Variants in SMG1 observed in about 807,000 individuals in gnomAD.
The protein encoded by SMG1 is serine/threonine-protein kinase SMG1.
In SMG1, 22 loss-of-function variants were observed where a neutral mutation model predicts 419.9. The ratio of observed to expected loss-of-function variants is 0.05; its 90% CI spans 0.04 to 0.07. The LOEUF is 0.07. Ranked by LOEUF, SMG1 falls within the 10% of genes least tolerant of loss-of-function variation. The pLI, the probability that SMG1 is intolerant of heterozygous loss-of-function variation, is 1.00. For missense variants in SMG1, 3,185 were observed against 4,342.0 expected, an observed-to-expected ratio of 0.73 and a Z score of 7.49; for synonymous variants, 1,538 against 1,553.5, an observed-to-expected ratio of 0.99 and a Z score of 0.23.
intron 56 of SMG1, among the ~76,000 whole-genome samples, chr16:18,819,116 C>T (rs948444421): frequency 1.3e-5 from 2 of 150,714 alleles, no homozygotes; most frequent in African/African-American, 4.9e-5. Flanking sequence ...GGCGCCTGGC[C>T]AACAGGGCAC....
intron 35 of SMG1, among the ~76,000 whole-genome samples, 186 bp from the exon 36 acceptor site, chr16:18,849,564 A>G (rs981902392): frequency 1.3e-5 from 2 of 152,184 alleles, no homozygotes; most frequent in African/African-American, 2.4e-5. Context: ...AAGTCTGGTT[A>G]AGGTTGGTTT....
At chr16:18,837,143 T>G (rs1443834709) in intron 46 of SMG1, 110 bp downstream of exon 46, 3 of 1,067,992 alleles carry the variant, frequency 2.8e-6, no homozygotes, top group Non-Finnish European at 4.0e-6. Flanking sequence ...AGACAGCTTT[T>G]ATCATTTATG....
At chr16:18,916,069 C>CAAAAAAAAAAAAAAAAAAAA (rs35871395) in intron 1 of SMG1, among the ~76,000 whole-genome samples, 1 of 34,800 alleles carries the variant, frequency 2.9e-5, no homozygotes, top group Non-Finnish European at 5.1e-5. Context: ...CACTTCGTCT[C>CAAAAAAAAAAAAAAAAAAAA]AAAAAAAAAA....
intron 45 of SMG1, 94 bp from the exon 46 acceptor site, chr16:18,837,537 C>G: frequency 9.1e-7 from 1 of 1,098,828 alleles, no homozygotes; most frequent in Non-Finnish European, 1.3e-6. Flanking sequence ...CTACTTAAAT[C>G]TCTACAAAAC....
chr16:18,921,937 A>T (rs2038215400), intron 1 of SMG1, among the ~76,000 whole-genome samples: 1 of 152,244 alleles, frequency 6.6e-6, no homozygotes, highest in African/African-American at 2.4e-5. Context: ...GTATAGAAAG[A>T]TCCTAAGTTT....
At chr16:18,884,798 A>G (rs1241297300) in intron 8 of SMG1, 7 of 296,084 alleles carry the variant, frequency 2.4e-5, no homozygotes, top group Non-Finnish European at 3.7e-5. Context: ...TGGATCTTCC[A>G]TTGTCCACTT....
Position 18,889,918 on chromosome 16 carries a change from A to G in SMG1, c.609-333T>C, listed in dbSNP as rs1382533573. Among the ~76,000 whole-genome samples the G allele has an allele frequency of 2.6e-5, 4 of 152,376 alleles. No homozygotes were observed. The East Asian group carries it at 7.7e-4, about 29-fold the overall frequency. ...CAAATAATTAGATAAAACACACTAT[A>G]CATAACTACATTCTACATAATATCC... is the stretch of plus-strand genomic sequence containing the variant. On this transcript the variant is annotated intron_variant, in intron 5 of 62. Transcript: ENST00000446231.
rs201380587 is a variant in SMG1 at position 18,871,503 on chromosome 16, T to C, written c.2184-21A>G. On this transcript the variant is annotated intron_variant, in intron 15 of 62. Transcript: ENST00000446231. ...GTTTCCTGAAACACAAAATATACAG[T>C]TGACTGTACATTAAAAAAAACAAAA... 438 of 1,353,152 alleles carry C rather than the reference T, an allele frequency of 3.2e-4. 2 individuals are homozygous for C. The highest frequency in any genetic ancestry group is 2.0e-4 in the Admixed American group (8 of 40,616). 83.8% of individuals were successfully genotyped at this position (1,353,152 alleles called of 1,614,324 possible).
At chr16:18,811,056 T>G (rs1384786611) in intron 62 of SMG1, among the ~76,000 whole-genome samples, 1 of 152,194 alleles carries the variant, frequency 6.6e-6, no homozygotes, top group Admixed American at 6.5e-5. Flanking sequence ...TTCAGACAAA[T>G]GTCCCGATAC....
chr16:18,921,039 G>C (rs543729224), intron 1 of SMG1, among the ~76,000 whole-genome samples: 1 of 151,516 alleles, frequency 6.6e-6, no homozygotes, highest in African/African-American at 2.4e-5. Context: ...TTGGGAGGCT[G>C]AGACAGGAGA....
Position 18,868,556 on chromosome 16 carries a change from C to T in SMG1, c.2997G>A (p.Glu999=), listed in dbSNP as rs1398632487. The change falls in exon 21 of 63, where the codon GAG becomes GAA. Residue 999 remains glutamate, a synonymous_variant. Transcript: ENST00000446231. ...NLEKLMYNAY[E]GCANALTSPP... is the part of the protein sequence containing the mutation. Reference sequence around the variant, plus strand: ...GTGAAGTTAATGCATTAGCACATCCCTCGTATGCATTATACATTAATTTCT... The same window carrying T: ...GTGAAGTTAATGCATTAGCACATCCTTCGTATGCATTATACATTAATTTCT... 13 of 1,595,830 alleles carry T rather than the reference C, an allele frequency of 8.1e-6. No homozygotes were observed. Among genetic ancestry groups the T allele is most frequent in the South Asian group, 1.1e-5 (1 of 90,934 alleles).
chr16:18,925,055 T>C (rs1250006539), intron 1 of SMG1: 1 of 152,144 alleles, frequency 6.6e-6, no homozygotes, highest in Non-Finnish European at 1.5e-5. Context: ...GTTCTAAGCA[T>C]TGGGTTAAAT....
At chr16:18,849,907 G>A in intron 35 of SMG1, 42 bp downstream of exon 35, 1 of 1,577,074 alleles carries the variant, frequency 6.3e-7, no homozygotes, top group Non-Finnish European at 8.6e-7. Context: ...ATATATCCTA[G>A]TGAGAAACTA....
At chr16:18,902,543 T>C (rs576981907) in intron 1 of SMG1, among the ~76,000 whole-genome samples, 4 of 151,976 alleles carry the variant, frequency 2.6e-5, no homozygotes, top group African/African-American at 7.2e-5. Flanking sequence ...CTAAAAAATA[T>C]AGAAAAACTA....
chr16:18,857,424 C>T (rs1256829224), intron 29 of SMG1: 3 of 152,078 alleles, frequency 2.0e-5, no homozygotes, highest in Non-Finnish European at 4.4e-5. Flanking sequence ...GTTCAGAACA[C>T]AAAAATAAGT....
rs2032982791 is a variant in SMG1 at position 18,829,172 on chromosome 16, G to T, written c.9603+114C>A. On this transcript the variant is annotated intron_variant, in intron 54 of 62. Transcript: ENST00000446231. ...TGCTATGGTGTGTTTGCATTGGGTT[G>T]CTGTGAGTTCAGGAAGTTTTAAAAA... is the stretch of plus-strand genomic sequence containing the variant. 4 of 802,718 alleles carry T rather than the reference G, an allele frequency of 5.0e-6. No homozygotes were observed. In the Admixed American group the frequency reaches 8.6e-5, roughly 17 times the overall value. The allele number at this position is 802,718 out of a possible 1,614,324, so 49.7% of individuals were successfully genotyped here.
chr16:18,862,550 T>C (rs1352717033), intron 25 of SMG1, among the ~76,000 whole-genome samples: 12 of 152,218 alleles, frequency 7.9e-5, no homozygotes, highest in African/African-American at 2.2e-4. Context: ...TCTTAAAACA[T>C]GGCTTGTTCT....
chr16:18,812,202 A>G, intron 60 of SMG1, 75 bp from the exon 61 acceptor site: 1 of 1,442,552 alleles, frequency 6.9e-7, no homozygotes, highest in Non-Finnish European at 9.5e-7. Context: ...CAAGCACGGG[A>G]TAGGTGGTAG....
chr16:18,835,894 G>T, intron 48 of SMG1, 39 bp downstream of exon 48: 1 of 1,535,268 alleles, frequency 6.5e-7, no homozygotes, highest in Non-Finnish European at 8.8e-7. Context: ...ACAAGACTCC[G>T]TCTCAAAAAT....
Sources: allele counts gnomAD v4.1 joint callset (sites outside exome capture counted in the v4.1 genomes callset), GRCh38; gene constraint gnomAD v4.1.1; transcripts MANE v1.5; gene names NCBI Gene and HGNC (gene_info 2026-07-23, HGNC 2026-07-21).